Variants in VSIG4 observed in about 807,000 individuals in gnomAD.
The protein encoded by VSIG4 is V-set and immunoglobulin domain-containing protein 4.
In VSIG4, 34 loss-of-function variants were observed where a neutral mutation model predicts 23.4. The observed-to-expected ratio is 1.45, with a 90% CI of 1.10 to 1.93. The LOEUF (loss-of-function observed/expected upper bound fraction) is 1.93, where lower values mean the gene tolerates loss of function less well. Among genes scored for constraint, VSIG4 ranks in the 30% most tolerant of loss-of-function variants. The probability of loss-of-function intolerance (pLI) is 0.00; values close to 1 mark genes in which losing one functional copy is unlikely to be tolerated. For missense variants in VSIG4, 433 were observed against 310.8 expected, an observed-to-expected ratio of 1.39 and a Z score of -2.96; for synonymous variants, 169 against 120.3, an observed-to-expected ratio of 1.41 and a Z score of -2.65.
intron 1 of VSIG4, among the ~76,000 whole-genome samples, chrX:66,036,927 TATATGATATATTATATG>T (rs1244091518): frequency 5.6e-4 from 17 of 30,392 alleles, no homozygotes; most frequent in African/African-American, 2.9e-3. Flanking sequence ...TATATTATAT[TATATGATATATTATATG>T]ATATATTATA....
Position 66,022,061 on chromosome X carries a change from C to T in VSIG4, c.*202G>A, listed in dbSNP as rs1283005082. ...CCCCCGGCAGAGATACTAGAAGGGC[C>T]CAGAGCCAAATCCAGCAGCTGGCTT... On this transcript the variant is annotated 3_prime_UTR_variant, in exon 8 of 8. Coordinates refer to ENST00000374737, the MANE Select transcript of VSIG4 (RefSeq NM_007268.3). 2 of 1,161,761 alleles carry T rather than the reference C, an allele frequency of 1.7e-6. No homozygotes were observed. Among genetic ancestry groups the T allele is most frequent in the East Asian group, 3.3e-5 (1 of 30,519 alleles).
intron 1 of VSIG4, among the ~76,000 whole-genome samples, chrX:66,036,994 TA>T (rs773737189): frequency 0.17 from 6,621 of 38,350 alleles, 1,148 homozygotes; most frequent in African/African-American, 0.46. Flanking sequence ...TCATATAATA[TA>T]ATATATCATA....
intron 1 of VSIG4, 94 bp from the exon 2 acceptor site, chrX:66,033,924 AAATGCCACTC>A (rs2085499604): frequency 2.8e-6 from 2 of 704,963 alleles, no homozygotes; most frequent in Non-Finnish European, 4.3e-6. Context: ...GGTTTCTGAG[AAATGCCACTC>A]AACTTTCTTT....
intron 3 of VSIG4, 85 bp from the exon 4 acceptor site, chrX:66,028,197 A>T (rs2085416276): frequency 1.2e-6 from 1 of 828,154 alleles, no homozygotes; most frequent in African/African-American, 2.0e-5. Context: ...AAGTAAGTAA[A>T]GGCCATTCAG....
chrX:66,034,817 C>T (rs1202042873), intron 1 of VSIG4, among the ~76,000 whole-genome samples: 1 of 108,593 alleles, frequency 9.2e-6, no homozygotes, highest in Non-Finnish European at 1.9e-5. Context: ...CCATTGCCTC[C>T]CATCAGAATT....
Position 66,032,629 on chromosome X carries a change from T to A in VSIG4, c.533A>T (p.Tyr178Phe). The part of the protein sequence containing the change: ...RGSPPISYIW[Y>F]KQQTNNQEPI... ...TTCCTGGTTATTAGTCTGTTGCTTA[T>A]ACCAAATATAACTGATGGGAGGAGA... Residue 178 changes from tyrosine to phenylalanine, a missense_variant, in exon 3 of 8, where the codon TAT (tyrosine) becomes TTT (phenylalanine). Transcript: ENST00000374737. 1 of 1,211,409 alleles carries A rather than the reference T, an allele frequency of 8.3e-7. No homozygotes were observed. Among genetic ancestry groups the A allele is most frequent in the African/African-American group, 1.7e-5 (1 of 57,687 alleles).
chrX:66,034,806 G>A (rs2085517050), intron 1 of VSIG4, among the ~76,000 whole-genome samples: 1 of 108,446 alleles, frequency 9.2e-6, no homozygotes, highest in African/African-American at 3.4e-5. Flanking sequence ...TGTTGAAACA[G>A]CCATTGCCTC....
chrX:66,037,788 T>A (rs1238165753), intron 1 of VSIG4, among the ~76,000 whole-genome samples: 1 of 105,251 alleles, frequency 9.5e-6, no homozygotes, highest in Non-Finnish European at 1.9e-5. Flanking sequence ...TAAGTATATA[T>A]ACTTATTGCT....
In VSIG4 at chrX:66,022,013, T is replaced by A. The variant is rs2085336846; in HGVS notation, c.*250A>T. 9.0e-7 allele frequency: 1 copy of A among 1,106,255 alleles called. No individual in the cohort carries two copies. 91.2% of individuals were successfully genotyped at this position (1,106,255 alleles called of 1,213,427 possible). On this transcript the variant is annotated 3_prime_UTR_variant, in exon 8 of 8. Coordinates refer to ENST00000374737, the MANE Select transcript of VSIG4 (RefSeq NM_007268.3). ...AGTGCTATGGGCATCTTCCCTCTGG[T>A]ATTTAGAGAGGAGTACCAGAAGCCC...
rs1200270451 is a variant in VSIG4 at position 66,022,330 on chromosome X, G to A, written c.1133C>T (p.Ala378Val). 6 of 1,211,135 alleles carry A rather than the reference G, an allele frequency of 5.0e-6. No individual in the cohort carries two copies. Among genetic ancestry groups the A allele is most frequent in the Admixed American group, 2.2e-5 (1 of 46,016 alleles). The change falls in exon 8 of 8, where the codon GCC becomes GTC. Residue 378 changes from alanine to valine, a missense_variant. Ala to Val is a moderately conservative substitution (Grantham distance 64, BLOSUM62 0). Transcript: ENST00000374737. The part of the protein sequence containing the change: ...QIIAQINGNY[A>V]RLLDTVPLDY... ...CAGAGGAACTGTGTCCAGCAGGCGGGCGTAGTTGCCATTGATCTGGGCGAT... is the reference window on the plus strand; with the variant it reads ...CAGAGGAACTGTGTCCAGCAGGCGGACGTAGTTGCCATTGATCTGGGCGAT...
Position 66,022,318 on chromosome X carries a change from T to C in VSIG4, c.1145A>G (p.Asp382Gly). Residue 382 changes from aspartate (D) to glycine (G), a missense_variant, in exon 8 of 8, where the codon GAC (aspartate) becomes GGC (glycine). Physicochemically the swap from Asp to Gly is moderately conservative, Grantham distance 94 (BLOSUM62 -1). Transcript: ENST00000374737. ...AAACTCATAATCCAGAGGAACTGTG[T>C]CCAGCAGGCGGGCGTAGTTGCCATT... ...QINGNYARLL[D>G]TVPLDYEFLA... 2 of 1,212,217 alleles carry C rather than the reference T, an allele frequency of 1.6e-6. No homozygotes were observed. Among genetic ancestry groups the C allele is most frequent in the East Asian group, 3.0e-5 (1 of 33,778 alleles).
intron 1 of VSIG4, among the ~76,000 whole-genome samples, chrX:66,037,760 A>G (rs2147681351): frequency 9.7e-6 from 1 of 102,896 alleles, no homozygotes; most frequent in South Asian, 4.1e-4. Context: ...ACTGATACGT[A>G]TATATACTTA....
intron 3 of VSIG4, among the ~76,000 whole-genome samples, chrX:66,032,245 C>A (rs2085471752): frequency 8.9e-6 from 1 of 111,816 alleles, no homozygotes; most frequent in African/African-American, 3.3e-5. Flanking sequence ...GCTAGTAAAT[C>A]TCTCTTTCCT....
intron 7 of VSIG4, 131 bp from the exon 8 acceptor site, chrX:66,022,631 C>T: frequency 8.8e-7 from 1 of 1,130,596 alleles, no homozygotes; most frequent in Non-Finnish European, 1.2e-6. Context: ...AAGCAGAAGG[C>T]AGATGGATCT....
chrX:66,028,530 G>A (rs1294892378), intron 3 of VSIG4, among the ~76,000 whole-genome samples: 1 of 98,882 alleles, frequency 1.0e-5, no homozygotes, highest in Non-Finnish European at 2.0e-5. Context: ...CAACATCAGT[G>A]AAATAATGCA....
chrX:66,021,992 C>T lies in VSIG4; in HGVS notation c.*271G>A, dbSNP rs2085336629. ...TAGGCATGATGACCAAGTCCTAGTG[C>T]TATGGGCATCTTCCCTCTGGTATTT... On this transcript the variant is annotated 3_prime_UTR_variant, in exon 8 of 8. Transcript: ENST00000374737. 8.5e-6 allele frequency: 9 copies of T among 1,059,587 alleles called. No homozygotes were observed. Among genetic ancestry groups the T allele is most frequent in the East Asian group, 3.5e-5 (1 of 28,415 alleles). 87.3% of individuals were successfully genotyped at this position (1,059,587 alleles called of 1,213,427 possible).
intron 3 of VSIG4, among the ~76,000 whole-genome samples, chrX:66,031,355 A>G (rs1442214009): frequency 9.1e-6 from 1 of 109,677 alleles, no homozygotes; most frequent in Non-Finnish European, 1.9e-5. Context: ...CACTGTTCAT[A>G]TAACTTTCAG....
intron 1 of VSIG4, 32 bp from the exon 2 acceptor site, chrX:66,033,862 C>A (rs779924986): frequency 9.0e-7 from 1 of 1,112,795 alleles, no homozygotes; most frequent in Non-Finnish European, 1.2e-6. Context: ...AAGAAGCAAA[C>A]GTAGATGGCA....
chrX:66,037,361 TATA>T (rs2085612154), intron 1 of VSIG4, among the ~76,000 whole-genome samples: 1 of 25,652 alleles, frequency 3.9e-5, no homozygotes, highest in East Asian at 1.4e-3. Flanking sequence ...ATATATATTA[TATA>T]ATAATATAAT....
Sources: gnomAD v4.1 joint callset for allele counts (sites outside exome capture counted in the v4.1 genomes callset) on GRCh38, gnomAD v4.1.1 for gene constraint, MANE v1.5 for transcripts, NCBI Gene and HGNC (gene_info 2026-07-23, HGNC 2026-07-21) for gene names.